The following PLA2G2D variants were observed in gnomAD, a reference collection of about 807,000 sequenced individuals.
The protein encoded by PLA2G2D is group IID secretory phospholipase A2.
Under a neutral mutation model 13.9 loss-of-function variants are expected in PLA2G2D, and 17 were observed. The ratio of observed to expected loss-of-function variants is 1.23; its 90% CI spans 0.84 to 1.84. The LOEUF is 1.84. Among genes scored for constraint, PLA2G2D ranks in the 40% most tolerant of loss-of-function variants. PLA2G2D has a pLI of 0.00. For synonymous variants in PLA2G2D, 83 were observed against 69.3 expected, an observed-to-expected ratio of 1.20 and a Z score of -0.98; for missense variants, 194 against 178.7, an observed-to-expected ratio of 1.09 and a Z score of -0.49.
At chr1:20,116,198 C>T (rs3736979) in intron 2 of PLA2G2D, 135 bp downstream of exon 2, 270,979 of 937,700 alleles carry the variant, frequency 0.29, 47,614 homozygotes, top group East Asian at 0.8. Flanking sequence ...GTATTGGCAC[C>T]CAGTGGTATT....
intron 2 of PLA2G2D, 60 bp downstream of exon 2, chr1:20,116,273 A>T: frequency 1.3e-6 from 2 of 1,525,924 alleles, no homozygotes; most frequent in Non-Finnish European, 1.8e-6. Flanking sequence ...GGGTGGAGAG[A>T]AAAGAAGAGT....
rs2016934342 is a variant in PLA2G2D at position 20,114,044 on chromosome 1, G to A, written c.*70C>T. 2.7e-6 allele frequency: 4 copies of A among 1,471,010 alleles called. No homozygotes were observed. The East Asian group carries it at 9.2e-5, about 34-fold the overall frequency. The allele number at this position is 1,471,010 out of a possible 1,614,324, so 91.1% of individuals were successfully genotyped here. On this transcript the variant is annotated 3_prime_UTR_variant, in exon 4 of 4. Transcript: ENST00000375105. ...CCGGAGTGTTTGAAAAGCCAGGCTG[G>A]TTCAGGTTAGATACTGAGGTGGGGA...
rs2016933297 is a variant in PLA2G2D, at chr1:20,113,982, G to A, written c.*132C>T. The stretch of plus-strand genomic sequence containing the variant: ...AAGCTTCAGAAGGTCAGAAGGCATT[G>A]GTAGAGGGTTCCGGGGGAGGCTGGG... On this transcript the variant is annotated 3_prime_UTR_variant, in exon 4 of 4. Coordinates refer to ENST00000375105, the MANE Select transcript of PLA2G2D (RefSeq NM_012400.4). 2 of 732,786 alleles carry A rather than the reference G, an allele frequency of 2.7e-6. No individual in the cohort carries two copies. Among genetic ancestry groups the A allele is most frequent in the Non-Finnish European group, 4.5e-6 (2 of 441,164 alleles). The allele number at this position is 732,786 out of a possible 1,614,324, so 45.4% of individuals were successfully genotyped here.
chr1:20,114,077 G>A lies in PLA2G2D; in HGVS notation c.*37C>T. On this transcript the variant is annotated 3_prime_UTR_variant, in exon 4 of 4. Coordinates refer to ENST00000375105, the MANE Select transcript of PLA2G2D (RefSeq NM_012400.4). ...TAGATACTGAGGTGGGGATGCCAGA[G>A]CTCCATGCTGAGGAACAGGGTAGAG... The A allele has an allele frequency of 1.9e-6, 3 of 1,594,974 alleles. No individual in the cohort carries two copies. Among genetic ancestry groups the A allele is most frequent in the Non-Finnish European group, 2.6e-6 (3 of 1,169,192 alleles).
chr1:20,115,213 A>G (rs2016959998), intron 3 of PLA2G2D, among the ~76,000 whole-genome samples: 1 of 152,164 alleles, frequency 6.6e-6, no homozygotes, highest in Non-Finnish European at 1.5e-5. Flanking sequence ...AGCTCTTGCA[A>G]TAACTTAATG....
In PLA2G2D at chr1:20,112,202, G is replaced by A. The variant is rs2016898971; in HGVS notation, c.*1912C>T. 1 of 151,934 alleles carries A rather than the reference G, an allele frequency of 6.6e-6. No homozygotes were observed. The highest frequency in any genetic ancestry group is 2.4e-5 in the African/African-American group (1 of 41,324). The allele number at this position is 151,934 out of a possible 1,614,324, so 9.4% of individuals were successfully genotyped here. ...GGCTGGTCTTGAACTCCTGACCCCAGGTGATCTGCCTGCCTCAGCCACCCT... is the reference window on the plus strand; with the variant it reads ...GGCTGGTCTTGAACTCCTGACCCCAAGTGATCTGCCTGCCTCAGCCACCCT... On this transcript the variant is annotated 3_prime_UTR_variant, in exon 4 of 4. Transcript: ENST00000375105.
At chr1:20,115,113 C>T (rs1456206829) in intron 3 of PLA2G2D, among the ~76,000 whole-genome samples, 1 of 152,156 alleles carries the variant, frequency 6.6e-6, no homozygotes, top group Non-Finnish European at 1.5e-5. Context: ...CCACGAGCAT[C>T]AGTGATGATG....
In PLA2G2D at chr1:20,116,377, G is replaced by A. The variant is rs144072480; in HGVS notation, c.141C>T (p.His47=). Residue 47 remains histidine (H), a synonymous_variant, in exon 2 of 4, where the codon CAC becomes CAT. Transcript: ENST00000375105. ...GTTGGCCTCTGCCACCTAGTCCGCA[G>A]TGACAGCCGTAGGGCCAGTAGGAGA... ...PILSYWPYGC[H]CGLGGRGQPK... is the part of the protein sequence containing the mutation. 119 of 1,614,210 alleles carry A rather than the reference G, an allele frequency of 7.4e-5. No homozygotes were observed. The highest frequency in any genetic ancestry group is 3.3e-4 in the Middle Eastern group (2 of 6,060).
rs1356411969 is a variant in PLA2G2D, at chr1:20,116,507, A to G, written c.41-30T>C. On this transcript the variant is annotated intron_variant, in intron 1 of 3. Coordinates refer to ENST00000375105, the MANE Select transcript of PLA2G2D (RefSeq NM_012400.4). ...CAAGCAGCCCAGCAACCAGGAGAGA[A>G]GAGGAGATGAATTTCAGGGCAGCGC... 3 of 1,613,770 alleles carry G rather than the reference A, an allele frequency of 1.9e-6. No individual in the cohort carries two copies. In the East Asian group the frequency reaches 6.7e-5, roughly 36 times the overall value.
rs1354053084 is a variant in PLA2G2D at position 20,113,453 on chromosome 1, C to T, written c.*661G>A. On this transcript the variant is annotated 3_prime_UTR_variant, in exon 4 of 4. Coordinates refer to ENST00000375105, the MANE Select transcript of PLA2G2D (RefSeq NM_012400.4). ...GAGGCAGGAGAAAGTACTCAAGGCT[C>T]TGGTGCCTGGAGCCACAAGACCTGG... 1 of 152,294 alleles carries T rather than the reference C, an allele frequency of 6.6e-6. No individual in the cohort carries two copies. The highest frequency in any genetic ancestry group is 1.5e-5 in the Non-Finnish European group (1 of 68,100). 9.4% of individuals were successfully genotyped at this position (152,294 alleles called of 1,614,324 possible).
intron 1 of PLA2G2D, among the ~76,000 whole-genome samples, chr1:20,118,170 G>A (rs968130448): frequency 3.9e-5 from 6 of 152,122 alleles, no homozygotes; most frequent in African/African-American, 1.2e-4. Flanking sequence ...AGAGCCCCGC[G>A]TTCAGAATCT....
chr1:20,114,688 G>A (rs929270388), intron 3 of PLA2G2D, among the ~76,000 whole-genome samples: 8 of 152,118 alleles, frequency 5.3e-5, no homozygotes, highest in African/African-American at 1.9e-4. Flanking sequence ...TGGGGTTTGG[G>A]AGTGGGGGAT....
chr1:20,114,648 T>C (rs981957337), intron 3 of PLA2G2D, among the ~76,000 whole-genome samples: 16 of 151,920 alleles, frequency 1.1e-4, no homozygotes, highest in Non-Finnish European at 2.2e-4. Flanking sequence ...TGAGCTGAGA[T>C]CGGAAGGGTC....
At position 20,118,178 on chromosome 1, in the gene PLA2G2D, T is replaced by C. The variant is rs187243290; in HGVS notation, c.40+1281A>G. Among the ~76,000 whole-genome samples, 364 of 152,268 alleles carry C rather than the reference T, an allele frequency of 2.4e-3. 2 individuals are homozygous for C. Among genetic ancestry groups the C allele is most frequent in the Admixed American group, 9.0e-3 (138 of 15,292 alleles). ...ATCAACCAGAGCCCCGCGTTCAGAATCTTGCCTTTCTTAGGGTACCCCGGT... is the reference window on the plus strand; with the variant it reads ...ATCAACCAGAGCCCCGCGTTCAGAACCTTGCCTTTCTTAGGGTACCCCGGT... On this transcript the variant is annotated intron_variant, in intron 1 of 3. Transcript: ENST00000375105.
Position 20,114,136 on chromosome 1 carries a change from C to T in PLA2G2D, c.416G>A (p.Arg139Gln), listed in dbSNP as rs767264461. The T allele has an allele frequency of 1.8e-5, 29 of 1,613,320 alleles. No individual in the cohort carries two copies. The highest frequency in any genetic ancestry group is 1.8e-4 in the South Asian group (16 of 91,030). Residue 139 changes from arginine (R) to glutamine (Q), a missense_variant, in exon 4 of 4, where the codon CGG becomes CAG. Physicochemically the swap from Arg to Gln is conservative, Grantham distance 43. Coordinates refer to ENST00000375105, the MANE Select transcript of PLA2G2D (RefSeq NM_012400.4). ...RLRFYWRPHC[R>Q]GQTPGC Reference sequence around the variant, plus strand: ...CTTCTAGCACCCAGGGGTCTGCCCCCGGCAGTGGGGCCGCCAGTAGAAACG... The same window carrying T: ...CTTCTAGCACCCAGGGGTCTGCCCCTGGCAGTGGGGCCGCCAGTAGAAACG...
At chr1:20,114,695 G>A (rs1316235902) in intron 3 of PLA2G2D, among the ~76,000 whole-genome samples, 1 of 152,024 alleles carries the variant, frequency 6.6e-6, no homozygotes, top group Non-Finnish European at 1.5e-5. Context: ...TGGGAGTGGG[G>A]GATGGCAACA....
Position 20,116,389 on chromosome 1 carries a change from G to C in PLA2G2D, c.129C>G (p.Pro43=), listed in dbSNP as rs2016990752. ...TGKMPILSYW[P]YGCHCGLGGR... The stretch of plus-strand genomic sequence containing the variant: ...CACCTAGTCCGCAGTGACAGCCGTA[G>C]GGCCAGTAGGAGAGGATGGGCATTT... Residue 43 remains proline (P), a synonymous_variant, in exon 2 of 4, where the codon CCC becomes CCG. Transcript: ENST00000375105. 5 of 1,614,082 alleles carry C rather than the reference G, an allele frequency of 3.1e-6. No individual in the cohort carries two copies. The highest frequency in any genetic ancestry group is 4.2e-6 in the Non-Finnish European group (5 of 1,180,014).
chr1:20,116,380 A>G lies in PLA2G2D; in HGVS notation c.138T>C (p.Cys46=). The G allele has an allele frequency of 6.2e-7, 1 of 1,614,202 alleles. No individual in the cohort carries two copies. The highest frequency in any genetic ancestry group is 8.5e-7 in the Non-Finnish European group (1 of 1,180,014). ...MPILSYWPYG[C]HCGLGGRGQP... ...GGCCTCTGCCACCTAGTCCGCAGTG[A>G]CAGCCGTAGGGCCAGTAGGAGAGGA... The change falls in exon 2 of 4, where the codon TGT becomes TGC. Residue 46 remains cysteine (C), a synonymous_variant. Coordinates refer to ENST00000375105, the MANE Select transcript of PLA2G2D (RefSeq NM_012400.4).
At chr1:20,116,182 G>A in intron 2 of PLA2G2D, 151 bp downstream of exon 2, 1 of 838,988 alleles carries the variant, frequency 1.2e-6, no homozygotes, top group East Asian at 2.5e-5. Flanking sequence ...CAGGAGGGCT[G>A]GGACCGTATT....
Sources: allele counts gnomAD v4.1 joint callset (sites outside exome capture counted in the v4.1 genomes callset), GRCh38; gene constraint gnomAD v4.1.1; transcripts MANE v1.5; gene names NCBI Gene and HGNC (gene_info 2026-07-23, HGNC 2026-07-21).